Variants in COP1 observed in about 807,000 individuals in gnomAD.
COP1 encodes the protein COP1 E3 ubiquitin ligase.
COP1 carries 24 observed loss-of-function variants against 101.3 expected under a neutral mutation model. The ratio of observed to expected loss-of-function variants is 0.24; its 90% CI spans 0.17 to 0.33. The LOEUF is 0.33. Ranked by LOEUF, COP1 falls within the 10% of genes least tolerant of loss-of-function variation. The probability of loss-of-function intolerance (pLI) is 1.00; values close to 1 mark genes in which losing one functional copy is unlikely to be tolerated. For synonymous variants in COP1, 347 were observed against 341.9 expected (o/e 1.01, Z -0.17); for missense variants, 663 against 906.2 (o/e 0.73, Z 3.45).
intron 8 of COP1, among the ~76,000 whole-genome samples, chr1:176,134,526 T>C (rs1388921346): frequency 6.6e-6 from 1 of 151,956 alleles, no homozygotes; most frequent in Non-Finnish European, 1.5e-5. Flanking sequence ...GAATTAATAA[T>C]AAGTAGTTAT....
In COP1 at chr1:176,046,216, G is replaced by A. The variant is rs1571899039; in HGVS notation, c.1386C>T (p.Tyr462=). 6.2e-7 allele frequency: 1 copy of A among 1,604,862 alleles called. No individual in the cohort carries two copies. Among genetic ancestry groups the A allele is most frequent in the African/African-American group, 1.3e-5 (1 of 74,530 alleles). ...TVIQDAVDIH[Y]PENEMTCNSK... ...AATTGCAGGTCATTTCATTCTCAGG[G>A]TAATGAATATCCACTGCATCCTGGA... Residue 462 remains tyrosine, a synonymous_variant, in exon 12 of 20, where the codon TAC becomes TAT. Transcript: ENST00000367669.
At chr1:176,050,125 G>A (rs963111521) in intron 11 of COP1, among the ~76,000 whole-genome samples, 7 of 151,988 alleles carry the variant, frequency 4.6e-5, no homozygotes, top group Admixed American at 1.3e-4. Flanking sequence ...TTGAAAAATC[G>A]TGTTTCTGGG....
chr1:176,023,718 C>CAAAAAAAAAAAA (rs759455090), intron 15 of COP1, among the ~76,000 whole-genome samples: 3 of 122,086 alleles, frequency 2.5e-5, no homozygotes, highest in African/African-American at 3.6e-5. Flanking sequence ...AACTCCATCT[C>CAAAAAAAAAAAA]AAAAAAAAAA....
At chr1:176,169,269 G>A (rs527493023) in intron 3 of COP1, among the ~76,000 whole-genome samples, 26 of 152,058 alleles carry the variant, frequency 1.7e-4, no homozygotes, top group African/African-American at 5.3e-4. Flanking sequence ...CTTGGTAAAC[G>A]GTACATTCAC....
chr1:175,992,419 T>C (rs1346030021), intron 15 of COP1, among the ~76,000 whole-genome samples: 1 of 152,186 alleles, frequency 6.6e-6, no homozygotes, highest in Non-Finnish European at 1.5e-5. Flanking sequence ...CAGCGCACCG[T>C]GCGCGAGCCA....
intron 1 of COP1, among the ~76,000 whole-genome samples, chr1:176,193,644 G>C (rs1413082188): frequency 6.6e-6 from 1 of 152,072 alleles, no homozygotes; most frequent in African/African-American, 2.4e-5. Flanking sequence ...ATGAAGTGCT[G>C]ATACATGTCA....
At chr1:176,045,353 A>G (rs1671325588) in intron 12 of COP1, among the ~76,000 whole-genome samples, 1 of 152,182 alleles carries the variant, frequency 6.6e-6, no homozygotes, top group Non-Finnish European at 1.5e-5. Flanking sequence ...TTATCGATAT[A>G]GTATTTTTAT....
At position 176,035,951 on chromosome 1, in the gene COP1, C is replaced by G. The variant is rs148934273; in HGVS notation, c.1612+7235G>C. 2.6e-3 allele frequency among the ~76,000 whole-genome samples: 399 copies of G among 152,056 alleles called. 3 individuals are homozygous for G. Among genetic ancestry groups the G allele is most frequent in the African/African-American group, 9.2e-3 (381 of 41,506 alleles). On this transcript the variant is annotated intron_variant, in intron 14 of 19. Transcript: ENST00000367669. The stretch of plus-strand genomic sequence containing the variant: ...ACCATAAGAGGATTAAGTTATAAAT[C>G]AGCAACAGAATGATTTCTGAAAATT...
intron 14 of COP1, among the ~76,000 whole-genome samples, chr1:176,028,478 T>C (rs1668066525): frequency 6.8e-6 from 1 of 146,240 alleles, no homozygotes; most frequent in Non-Finnish European, 1.5e-5. Flanking sequence ...GGTGGAATAA[T>C]CACTTGAGTC....
intron 2 of COP1, among the ~76,000 whole-genome samples, chr1:176,178,721 C>T (rs1697320175): frequency 6.6e-6 from 1 of 151,972 alleles, no homozygotes; most frequent in Admixed American, 6.6e-5. Flanking sequence ...GGCATGGTGG[C>T]AGGCACCTGT....
intron 9 of COP1, among the ~76,000 whole-genome samples, chr1:176,097,183 G>A (rs1180458711): frequency 6.7e-6 from 1 of 150,364 alleles, no homozygotes; most frequent in Admixed American, 6.6e-5. Flanking sequence ...GTAGGCATAG[G>A]TAAAAGGTCT....
At chr1:176,076,308 T>A (rs1029845488) in intron 11 of COP1, among the ~76,000 whole-genome samples, 1 of 151,954 alleles carries the variant, frequency 6.6e-6, no homozygotes, top group East Asian at 1.9e-4. Flanking sequence ...TAGAAATCAA[T>A]ATCAAGAAGA....
chr1:176,151,633 AT>A (rs1254121554), intron 5 of COP1, among the ~76,000 whole-genome samples: 11 of 152,190 alleles, frequency 7.2e-5, no homozygotes, highest in Non-Finnish European at 1.3e-4. Flanking sequence ...AGAAAAAATT[AT>A]CCTTATTATG....
At chr1:176,202,119 A>G (rs1010631356) in intron 1 of COP1, among the ~76,000 whole-genome samples, 6 of 151,784 alleles carry the variant, frequency 4.0e-5, no homozygotes, top group African/African-American at 1.4e-4. Context: ...AATACATTCC[A>G]CATACATTGC....
intron 15 of COP1, among the ~76,000 whole-genome samples, chr1:175,998,009 A>G (rs1660613495): frequency 2.0e-5 from 3 of 148,722 alleles, no homozygotes; most frequent in Admixed American, 6.8e-5. Context: ...CCAAAAGTCC[A>G]TATGTAACTA....
intron 8 of COP1, among the ~76,000 whole-genome samples, chr1:176,133,291 T>C (rs1689252765): frequency 6.6e-6 from 1 of 151,488 alleles, no homozygotes; most frequent in Non-Finnish European, 1.5e-5. Flanking sequence ...TATGTACACA[T>C]ATATATGTGA....
intron 9 of COP1, among the ~76,000 whole-genome samples, chr1:176,095,655 G>T (rs1682209157): frequency 6.6e-6 from 1 of 151,648 alleles, no homozygotes; most frequent in Admixed American, 6.6e-5. Flanking sequence ...CTCCCGCCTG[G>T]GTGAGAGGGC....
chr1:175,971,534 T>C (rs1439726232), intron 18 of COP1, among the ~76,000 whole-genome samples: 8 of 151,968 alleles, frequency 5.3e-5, no homozygotes, highest in African/African-American at 1.7e-4. Context: ...AGGGTACCCA[T>C]CTGGGAAGAA....
chr1:176,109,250 A>G (rs1684875807), intron 9 of COP1, among the ~76,000 whole-genome samples: 1 of 151,924 alleles, frequency 6.6e-6, no homozygotes, highest in Non-Finnish European at 1.5e-5. Context: ...TGTAGGGTAG[A>G]CTTCTTTCTT....
Sources: gnomAD v4.1 joint callset for allele counts (sites outside exome capture counted in the v4.1 genomes callset) on GRCh38, gnomAD v4.1.1 for gene constraint, MANE v1.5 for transcripts, NCBI Gene and HGNC (gene_info 2026-07-23, HGNC 2026-07-21) for gene names.